The following EEF1AKMT1 variants were observed in gnomAD, a reference collection of about 807,000 sequenced individuals.
EEF1AKMT1 encodes EEF1A lysine methyltransferase 1, also known as N-6 adenine-specific DNA methyltransferase 2 (putative).
A neutral mutation model predicts 21.0 loss-of-function variants in EEF1AKMT1; 18 were observed. That is an observed-to-expected ratio of 0.86 (90% CI 0.59 to 1.27). EEF1AKMT1 has a LOEUF of 1.27. EEF1AKMT1 is among the 50% of genes most tolerant of loss of function. The pLI, the probability that EEF1AKMT1 is intolerant of heterozygous loss-of-function variation, is 0.00. For missense variants in EEF1AKMT1, 246 were observed against 258.6 expected (o/e 0.95, Z 0.33); for synonymous variants, 109 against 94.8 (o/e 1.15, Z -0.87).
At chr13:20,763,011 A>G (rs2059008752) in intron 1 of EEF1AKMT1, among the ~76,000 whole-genome samples, 1 of 152,220 alleles carries the variant, frequency 6.6e-6, no homozygotes, top group African/African-American at 2.4e-5. Context: ...GGTTCCACTT[A>G]ACTGATTCTT....
At chr13:20,735,600 C>G in intron 3 of EEF1AKMT1, among the ~76,000 whole-genome samples, 1 of 152,206 alleles carries the variant, frequency 6.6e-6, no homozygotes, top group Middle Eastern at 3.4e-3. Flanking sequence ...CGGGGGTTCC[C>G]TAGGAGAACG....
intron 2 of EEF1AKMT1, among the ~76,000 whole-genome samples, chr13:20,742,106 T>C (rs35776169): frequency 0.042 from 6,338 of 152,184 alleles, 307 homozygotes; most frequent in African/African-American, 0.11. Flanking sequence ...AATTCGTGGT[T>C]GAAGGGCATA....
At chr13:20,753,040 T>C (rs1414730380) in intron 2 of EEF1AKMT1, among the ~76,000 whole-genome samples, 1 of 152,136 alleles carries the variant, frequency 6.6e-6, no homozygotes, top group Non-Finnish European at 1.5e-5. Context: ...ATTATTTATT[T>C]GAAACCTTCC....
intron 1 of EEF1AKMT1, among the ~76,000 whole-genome samples, chr13:20,773,402 C>T (rs1566541974): frequency 1.3e-5 from 2 of 152,214 alleles, no homozygotes; most frequent in Non-Finnish European, 2.9e-5. Flanking sequence ...TACTCCACCT[C>T]GCAGCACCCG....
chr13:20,743,605 G>C (rs2058885045), intron 2 of EEF1AKMT1, among the ~76,000 whole-genome samples: 1 of 148,620 alleles, frequency 6.7e-6, no homozygotes, highest in Admixed American at 6.7e-5. Flanking sequence ...AGAATAGTTT[G>C]CTTGAGAGCA....
At chr13:20,736,611 G>GT (rs201287798) in intron 3 of EEF1AKMT1, among the ~76,000 whole-genome samples, 67 of 151,642 alleles carry the variant, frequency 4.4e-4, no homozygotes, top group African/African-American at 1.3e-3. Flanking sequence ...TGGGAATAGG[G>GT]TTTTTTTAAA....
chr13:20,748,384 G>A (rs1246803766), intron 2 of EEF1AKMT1, among the ~76,000 whole-genome samples: 1 of 150,620 alleles, frequency 6.6e-6, no homozygotes, highest in Non-Finnish European at 1.5e-5. Context: ...GCAGTGAGGC[G>A]AGATCGCGCC....
At chr13:20,761,661 G>A (rs1478755177) in intron 1 of EEF1AKMT1, among the ~76,000 whole-genome samples, 1 of 139,644 alleles carries the variant, frequency 7.2e-6, no homozygotes, top group African/African-American at 2.6e-5. Flanking sequence ...CATTATAAGA[G>A]GGTTTCATCA....
At chr13:20,771,547 T>C (rs2059062809) in intron 1 of EEF1AKMT1, among the ~76,000 whole-genome samples, 2 of 152,064 alleles carry the variant, frequency 1.3e-5, no homozygotes, top group Admixed American at 6.6e-5. Context: ...ACAATACATA[T>C]GAAATAAATG....
At chr13:20,735,326 GC>G (rs55752414) in intron 3 of EEF1AKMT1, among the ~76,000 whole-genome samples, 1 of 151,962 alleles carries the variant, frequency 6.6e-6, no homozygotes, top group East Asian at 1.9e-4. Flanking sequence ...CCCAAAGCCT[GC>G]CCCCCACCAT....
At chr13:20,732,478 G>A (rs753269991) in intron 3 of EEF1AKMT1, among the ~76,000 whole-genome samples, 1 of 152,096 alleles carries the variant, frequency 6.6e-6, no homozygotes, top group East Asian at 1.9e-4. Flanking sequence ...TTACAGGCAC[G>A]CGCCACTGCG....
intron 2 of EEF1AKMT1, among the ~76,000 whole-genome samples, chr13:20,751,761 A>C (rs2058942129): frequency 6.6e-6 from 1 of 152,008 alleles, no homozygotes; most frequent in Non-Finnish European, 1.5e-5. Context: ...TTTAACTACG[A>C]TTATTCTTTC....
intron 2 of EEF1AKMT1, among the ~76,000 whole-genome samples, chr13:20,755,960 G>A (rs559384549): frequency 6.6e-6 from 1 of 152,274 alleles, no homozygotes; most frequent in South Asian, 2.1e-4. Flanking sequence ...ATATTTGTTA[G>A]TTACAGAAGC....
At chr13:20,735,086 C>T (rs1371093806) in intron 3 of EEF1AKMT1, among the ~76,000 whole-genome samples, 2 of 152,134 alleles carry the variant, frequency 1.3e-5, no homozygotes, top group African/African-American at 4.8e-5. Context: ...GCAAGCGGAA[C>T]AGCAGATGGG....
chr13:20,748,429 C>G (rs945422073), intron 2 of EEF1AKMT1, among the ~76,000 whole-genome samples: 2 of 144,644 alleles, frequency 1.4e-5, no homozygotes, highest in Admixed American at 1.4e-4. Context: ...AGCTAGACTC[C>G]GTCCAAAAAA....
intron 3 of EEF1AKMT1, among the ~76,000 whole-genome samples, chr13:20,732,942 GCTT>G (rs1487345203): frequency 6.6e-6 from 1 of 152,068 alleles, no homozygotes; most frequent in Non-Finnish European, 1.5e-5. Context: ...TTTCTGCTTT[GCTT>G]CTTTTTTGTA....
Position 20,731,865 on chromosome 13 carries a change from G to C in EEF1AKMT1, c.484C>G (p.Arg162Gly). The change falls in exon 4 of 5, where the codon CGG (arginine) becomes GGG (glycine). Residue 162 changes from arginine to glycine, a missense_variant. Transcript: ENST00000382758. Reference sequence around the variant, plus strand: ...CCTGTGCACAGCAGAATCTTGCCCCGCGTCAGGTACTTGACGGTTTCCGAT... The same window carrying C: ...CCTGTGCACAGCAGAATCTTGCCCCCCGTCAGGTACTTGACGGTTTCCGAT... ...KTSETVKYLTRGKILLCTGAI... is the reference protein window; with the variant it reads ...KTSETVKYLTGGKILLCTGAI... 1 of 1,613,884 alleles carries C rather than the reference G, an allele frequency of 6.2e-7. No individual in the cohort carries two copies. Among genetic ancestry groups the C allele is most frequent in the Non-Finnish European group, 8.5e-7 (1 of 1,179,796 alleles).
intron 1 of EEF1AKMT1, among the ~76,000 whole-genome samples, chr13:20,770,421 G>T (rs1351680487): frequency 1.3e-5 from 2 of 152,076 alleles, no homozygotes; most frequent in Non-Finnish European, 2.9e-5. Context: ...GTCAACACGG[G>T]GTTGTCTATA....
chr13:20,763,846 C>G (rs1375727172), intron 1 of EEF1AKMT1, among the ~76,000 whole-genome samples: 1 of 152,096 alleles, frequency 6.6e-6, no homozygotes, highest in South Asian at 2.1e-4. Flanking sequence ...GGTGAGTTCT[C>G]GTAGTTTGTA....
Sources: allele counts gnomAD v4.1 joint callset (sites outside exome capture counted in the v4.1 genomes callset), GRCh38; gene constraint gnomAD v4.1.1; transcripts MANE v1.5; gene names NCBI Gene and HGNC (gene_info 2026-07-23, HGNC 2026-07-21).